Variants in TECPR2 observed in about 807,000 individuals in gnomAD.
The protein encoded by TECPR2 is tectonin beta-propeller repeat containing 2.
Under a neutral mutation model 138.1 loss-of-function variants are expected in TECPR2, and 65 were observed. That is an observed-to-expected ratio of 0.47 (90% CI 0.39 to 0.58). TECPR2 has a LOEUF of 0.58. Ranked by LOEUF, TECPR2 falls within the 20% of genes least tolerant of loss-of-function variation. The pLI, the probability that TECPR2 is intolerant of heterozygous loss-of-function variation, is 0.00. For missense variants in TECPR2, 1,553 were observed against 1,824.5 expected, an observed-to-expected ratio of 0.85 and a Z score of 2.71; for synonymous variants, 746 against 749.8, an observed-to-expected ratio of 0.99 and a Z score of 0.08.
chr14:102,463,373 C>T (rs1447355318), intron 16 of TECPR2, among the ~76,000 whole-genome samples: 6 of 146,560 alleles, frequency 4.1e-5, no homozygotes, highest in Non-Finnish European at 7.5e-5. Flanking sequence ...GCCGAGATCC[C>T]GCCACTGCAC....
chr14:102,429,035 CAG>C (rs1889400291), intron 7 of TECPR2, among the ~76,000 whole-genome samples: 1 of 152,134 alleles, frequency 6.6e-6, no homozygotes, highest in East Asian at 1.9e-4. Context: ...TTAGTAGAGA[CAG>C]GGTTTCTCCA....
At position 102,435,146 on chromosome 14, in the gene TECPR2, A is replaced by G. The variant is rs1482314587; in HGVS notation, c.2329A>G (p.Ser777Gly). The G allele has an allele frequency of 1.9e-6, 3 of 1,613,144 alleles. No individual in the cohort carries two copies. The highest frequency in any genetic ancestry group is 1.7e-5 in the Admixed American group (1 of 59,998). The change falls in exon 9 of 20, where the codon AGT (serine) becomes GGT (glycine). Residue 777 changes from serine (S) to glycine (G), a missense_variant. By Grantham distance (56) the Ser-to-Gly change is moderately conservative (BLOSUM62 0). Transcript: ENST00000359520. ...SETSVTELGP[S>G]CSQQDLSRLG... ...GACGAGTGTGACAGAGCTCGGACCT[A>G]GTTGCTCCCAGCAGGACCTGAGCCG...
intron 4 of TECPR2, among the ~76,000 whole-genome samples, chr14:102,411,663 T>C (rs10083323): frequency 0.74 from 90,882 of 123,172 alleles, 31,830 homozygotes; most frequent in Middle Eastern, 0.78. Flanking sequence ...GGACTCAGCC[T>C]GCCTGCACCC....
intron 17 of TECPR2, among the ~76,000 whole-genome samples, chr14:102,471,301 GTTCAT>G (rs1233202959): frequency 6.6e-6 from 1 of 152,050 alleles, no homozygotes; most frequent in African/African-American, 2.4e-5. Flanking sequence ...CTAGGAATTT[GTTCAT>G]TTCATCTATT....
chr14:102,362,994 G>T lies in TECPR2; in HGVS notation c.-195G>T. ...GCGGAGCCAGCTGCTGCTCTTCGGT[G>T]CTGGCCCCGGTGCCGGCCCCGTTGC... On this transcript the variant is annotated 5_prime_UTR_variant, in exon 1 of 20. Coordinates refer to ENST00000359520, the MANE Select transcript of TECPR2 (RefSeq NM_014844.5). 1 of 1,137,360 alleles carries T rather than the reference G, an allele frequency of 8.8e-7. No individual in the cohort carries two copies. Among genetic ancestry groups the T allele is most frequent in the Non-Finnish European group, 1.3e-6 (1 of 790,344 alleles). 70.5% of individuals were successfully genotyped at this position (1,137,360 alleles called of 1,614,324 possible). A position where few individuals can be genotyped will look rare whatever the true frequency, so the allele number is the denominator to read the frequency against.
At chr14:102,456,101 C>G (rs1890270960) in intron 16 of TECPR2, among the ~76,000 whole-genome samples, 1 of 152,186 alleles carries the variant, frequency 6.6e-6, no homozygotes, top group African/African-American at 2.4e-5. Flanking sequence ...CAAGCCCAAC[C>G]CCCTGGAGGA....
At chr14:102,446,159 T>A (rs1264360848) in intron 13 of TECPR2, among the ~76,000 whole-genome samples, 1 of 152,088 alleles carries the variant, frequency 6.6e-6, no homozygotes, top group East Asian at 1.9e-4. Flanking sequence ...CTTGACTTCC[T>A]GGGCTCAGGT....
chr14:102,437,974 TG>T, intron 9 of TECPR2, 47 bp from the exon 10 acceptor site: 1 of 1,588,508 alleles, frequency 6.3e-7, no homozygotes, highest in Non-Finnish European at 8.6e-7. Flanking sequence ...GTAAGCCAAA[TG>T]TGGCTGTGTC....
Position 102,407,345 on chromosome 14 carries a change from C to A in TECPR2, c.227C>A (p.Thr76Lys). Residue 76 changes from threonine (T) to lysine (K), a missense_variant, in exon 3 of 20, where the codon ACG becomes AAG. Transcript: ENST00000359520. ...TTTTCAACGTTTCCCCAGGGGAAGA[C>A]GGAATCTATCACTGTGGTGAAGCTG... ...QMRKYNFEGK[T>K]ESITVVKLLS... The A allele has an allele frequency of 6.2e-7, 1 of 1,602,682 alleles. No individual in the cohort carries two copies. Among genetic ancestry groups the A allele is most frequent in the Non-Finnish European group, 8.5e-7 (1 of 1,175,910 alleles).
chr14:102,485,206 G>C lies in TECPR2; in HGVS notation c.3790-11773G>C, dbSNP rs1890997261. 2.0e-5 allele frequency among the ~76,000 whole-genome samples: 3 copies of C among 152,178 alleles called. 1 individual carries two copies. The South Asian group carries it at 6.2e-4, about 32-fold the overall frequency. On this transcript the variant is annotated intron_variant, in intron 17 of 19. Transcript: ENST00000359520. ...TTCCTCTAAGCCTCTGAACATCTTT[G>C]AGTGGTATTTAGGTGCTGGTGGGGC...
chr14:102,452,755 CT>C, intron 16 of TECPR2, 128 bp downstream of exon 16: 1 of 732,748 alleles, frequency 1.4e-6, no homozygotes, highest in South Asian at 1.8e-5. Flanking sequence ...TGTTTATAAG[CT>C]GCTGAATTTC....
At chr14:102,430,041 A>C (rs1269337362) in intron 7 of TECPR2, among the ~76,000 whole-genome samples, 1 of 152,078 alleles carries the variant, frequency 6.6e-6, no homozygotes, top group Non-Finnish European at 1.5e-5. Flanking sequence ...GTCTCTGGTC[A>C]CTGCAACCTC....
intron 2 of TECPR2, among the ~76,000 whole-genome samples, chr14:102,387,925 A>T (rs1359600291): frequency 1.3e-5 from 2 of 152,214 alleles, no homozygotes; most frequent in Non-Finnish European, 2.9e-5. Context: ...CCATACTGAC[A>T]TGTCTGTATT....
At chr14:102,478,698 G>T (rs912306045) in intron 17 of TECPR2, among the ~76,000 whole-genome samples, 8 of 151,338 alleles carry the variant, frequency 5.3e-5, no homozygotes, top group Non-Finnish European at 2.9e-5. Context: ...CCTACATTGT[G>T]TTTGGTTTGC....
At position 102,415,672 on chromosome 14, in the gene TECPR2, C is replaced by T. The variant is rs908898828; in HGVS notation, c.638+879C>T. On this transcript the variant is annotated intron_variant, in intron 5 of 19. Transcript: ENST00000359520. This position sits in a 1 kb window ranked among gnomAD's most constrained non-coding sequence, Gnocchi z 4.3. ...TGGGAAGCAGAGGGCGGCATTAGTA[C>T]AGATCATGCGTTGATGAGTCTACAG... 3.9e-4 allele frequency among the ~76,000 whole-genome samples: 60 copies of T among 152,214 alleles called. No individual in the cohort carries two copies. The highest frequency in any genetic ancestry group is 1.4e-3 in the African/African-American group (58 of 41,510).
chr14:102,438,144 C>A lies in TECPR2; in HGVS notation c.2517C>A (p.Gly839=). The change falls in exon 10 of 20, where the codon GGC becomes GGA. Residue 839 remains glycine (G), a synonymous_variant. Coordinates refer to ENST00000359520, the MANE Select transcript of TECPR2 (RefSeq NM_014844.5). ...KGGLFCSALP[G]AGLRWQKFED... is the part of the protein sequence containing the mutation. ...GCCTGTTCTGCAGCGCGTTGCCGGG[C>A]GCCGGGCTGCGCTGGCAGAAGTTTG... The A allele has an allele frequency of 1.9e-6, 3 of 1,613,652 alleles. No individual in the cohort carries two copies. Among genetic ancestry groups the A allele is most frequent in the Non-Finnish European group, 2.5e-6 (3 of 1,179,976 alleles).
chr14:102,496,029 A>G (rs140888864), intron 17 of TECPR2, among the ~76,000 whole-genome samples: 184 of 152,364 alleles, frequency 1.2e-3, no homozygotes, highest in Admixed American at 3.9e-3. Flanking sequence ...GTGTGATTGT[A>G]TTCACGGCAG....
chr14:102,416,065 C>G (rs1363244626), intron 5 of TECPR2, among the ~76,000 whole-genome samples: 1 of 152,192 alleles, frequency 6.6e-6, no homozygotes, highest in Non-Finnish European at 1.5e-5. Flanking sequence ...TTAAAAGACG[C>G]TCTCAAACCT....
intron 5 of TECPR2, among the ~76,000 whole-genome samples, chr14:102,418,261 GCCT>G (rs1889082617): frequency 6.6e-6 from 1 of 152,212 alleles, no homozygotes; most frequent in African/African-American, 2.4e-5. Flanking sequence ...TTTGCGCCAA[GCCT>G]CTGCCCTGCT....
Sources: gnomAD v4.1 joint callset for allele counts (sites outside exome capture counted in the v4.1 genomes callset) on GRCh38, gnomAD v4.1.1 for gene constraint, Gnocchi (gnomAD v3.1) non-coding constraint, MANE v1.5 for transcripts, NCBI Gene and HGNC (gene_info 2026-07-23, HGNC 2026-07-21) for gene names.